CLDN1: variants seen among roughly 807,000 people sequenced by gnomAD.
CLDN1 encodes the protein claudin-1.
Under a neutral mutation model 22.6 loss-of-function variants are expected in CLDN1, and 12 were observed. The observed-to-expected ratio is 0.53, with a 90% confidence interval of 0.34 to 0.86. CLDN1 has a LOEUF of 0.86. CLDN1 is among the 40% of genes least tolerant of loss of function. The pLI is 0.02. For synonymous variants in CLDN1, 99 were observed against 103.8 expected, an observed-to-expected ratio of 0.95 and a Z score of 0.28; for missense variants, 250 against 269.5, an observed-to-expected ratio of 0.93 and a Z score of 0.51.
rs1368006107 is a variant in CLDN1 at position 190,307,939 on chromosome 3, A to G, written c.*338T>C. The stretch of plus-strand genomic sequence containing the variant: ...CTAGTATCAACATAATGAGAATAGT[A>G]TTTTACTGTCTATTTTTAATAGAAA... On this transcript the variant is annotated 3_prime_UTR_variant, in exon 4 of 4. Coordinates refer to ENST00000295522, the MANE Select transcript of CLDN1 (RefSeq NM_021101.5). 1 of 203,958 alleles carries G rather than the reference A, an allele frequency of 4.9e-6. No homozygotes were observed. Among genetic ancestry groups the G allele is most frequent in the Non-Finnish European group, 1.0e-5 (1 of 98,744 alleles). The allele number at this position is 203,958 out of a possible 1,614,324, so 12.6% of individuals were successfully genotyped here. A position where few individuals can be genotyped will look rare whatever the true frequency, so the allele number is the denominator to read the frequency against.
Position 190,308,040 on chromosome 3 carries a change from A to C in CLDN1, c.*237T>G. 2 of 460,102 alleles carry C rather than the reference A, an allele frequency of 4.3e-6. No homozygotes were observed. Among genetic ancestry groups the C allele is most frequent in the Admixed American group, 3.3e-5 (1 of 30,194 alleles). 28.5% of individuals were successfully genotyped at this position (460,102 alleles called of 1,614,324 possible). A position where few individuals can be genotyped will look rare whatever the true frequency, so the allele number is the denominator to read the frequency against. On this transcript the variant is annotated 3_prime_UTR_variant, in exon 4 of 4. Transcript: ENST00000295522. ...AGTTGAGTATGATTACTCAATGGGA[A>C]GCAGTAATACAAATGGAAAAATCTT...
chr3:190,314,476 C>T (rs1218151178), intron 1 of CLDN1, among the ~76,000 whole-genome samples: 1 of 152,062 alleles, frequency 6.6e-6, no homozygotes. Context: ...CTCACTGCAA[C>T]CTCTGCCTCT....
chr3:190,317,892 C>T (rs2108612770), intron 1 of CLDN1, among the ~76,000 whole-genome samples: 1 of 152,292 alleles, frequency 6.6e-6, no homozygotes, highest in South Asian at 2.1e-4. Flanking sequence ...CTGCAGATTC[C>T]AATTCTCCCT....
rs772164842 is a variant in CLDN1 at position 190,308,291 on chromosome 3, T to G, written c.622A>C (p.Lys208Gln). The change falls in exon 4 of 4, where the codon AAA (lysine) becomes CAA (glutamine). Residue 208 changes from lysine (K) to glutamine (Q), a missense_variant. By Grantham distance (53) the Lys-to-Gln change is moderately conservative. Transcript: ENST00000295522. ...PYPKPAPSSGKDYV is the reference protein window; with the variant it reads ...PYPKPAPSSGQDYV ...TTGCCTCTGTGTCACACGTAGTCTT[T>G]CCCGCTGGAAGGTGCAGGTTTTGGA... 6.8e-6 allele frequency: 11 copies of G among 1,613,736 alleles called. No homozygotes were observed. In the South Asian group the frequency reaches 1.1e-4, roughly 16 times the overall value.
intron 1 of CLDN1, among the ~76,000 whole-genome samples, chr3:190,316,950 T>C (rs187613264): frequency 4.5e-4 from 69 of 152,298 alleles, no homozygotes; most frequent in Admixed American, 1.3e-3. Context: ...TAATACAAAT[T>C]GTACTTTTTG....
chr3:190,313,549 A>G (rs1716682236), intron 1 of CLDN1, among the ~76,000 whole-genome samples: 2 of 152,226 alleles, frequency 1.3e-5, no homozygotes, highest in African/African-American at 2.4e-5. Context: ...TAAATGTTTT[A>G]TAGATTATCA....
rs775788100 is a variant in CLDN1, at chr3:190,308,383, A to G, written c.530T>C (p.Leu177Pro). 5 of 1,613,858 alleles carry G rather than the reference A, an allele frequency of 3.1e-6. No homozygotes were observed. The South Asian group carries it at 3.3e-5, about 11-fold the overall frequency. The change falls in exon 4 of 4, where the codon CTG becomes CCG. Residue 177 changes from leucine to proline, a missense_variant. By Grantham distance (98) the Leu-to-Pro change is moderately conservative. Coordinates refer to ENST00000295522, the MANE Select transcript of CLDN1 (RefSeq NM_021101.5). The stretch of plus-strand genomic sequence containing the variant: ...GGAACAGCAAAGTAGGGCACCTCCC[A>G]GAAGGCAGAGAGAAGCAGCAGCCCA... ...TGWAAASLCL[L>P]GGALLCCSCP...
At chr3:190,321,485 G>A (rs993725834) in intron 1 of CLDN1, among the ~76,000 whole-genome samples, 1 of 152,208 alleles carries the variant, frequency 6.6e-6, no homozygotes, top group African/African-American at 2.4e-5. Context: ...CAGTAGGAAT[G>A]TAACTTTTAC....
At position 190,322,325 on chromosome 3, in the gene CLDN1, G is replaced by GA; in HGVS notation, c.-120dup. On this transcript the variant is annotated 5_prime_UTR_variant, in exon 1 of 4. Coordinates refer to ENST00000295522, the MANE Select transcript of CLDN1 (RefSeq NM_021101.5). The stretch of plus-strand genomic sequence containing the variant: ...GCCCCGCGGAGGAAGTTAAGGCGGG[G>GA]AGCCCTGCTCGCTGCGCCGCCGCTG... 1 of 925,560 alleles carries GA rather than the reference G, an allele frequency of 1.1e-6. No homozygotes were observed. Among genetic ancestry groups the GA allele is most frequent in the Non-Finnish European group, 1.7e-6 (1 of 590,600 alleles). 57.3% of individuals were successfully genotyped at this position (925,560 alleles called of 1,614,324 possible).
chr3:190,310,552 A>G (rs1036614178), intron 2 of CLDN1, among the ~76,000 whole-genome samples: 39 of 152,210 alleles, frequency 2.6e-4, no homozygotes, highest in African/African-American at 9.2e-4. Flanking sequence ...ATCTCTTTTA[A>G]ATATGCTGTT....
intron 1 of CLDN1, among the ~76,000 whole-genome samples, chr3:190,320,040 TA>T (rs1427939721): frequency 6.6e-6 from 1 of 151,918 alleles, no homozygotes; most frequent in Non-Finnish European, 1.5e-5. Context: ...TCTGGAGTTT[TA>T]AAAAAATAGG....
At chr3:190,319,518 T>C (rs1248270486) in intron 1 of CLDN1, among the ~76,000 whole-genome samples, 1 of 152,216 alleles carries the variant, frequency 6.6e-6, no homozygotes, top group Non-Finnish European at 1.5e-5. Context: ...TTCCTTCAGA[T>C]ACTTTATGAA....
At chr3:190,318,949 TTATAAACAA>T (rs1716841819) in intron 1 of CLDN1, among the ~76,000 whole-genome samples, 1 of 152,142 alleles carries the variant, frequency 6.6e-6, no homozygotes, top group Admixed American at 6.5e-5. Context: ...CTAGAGGAGC[TTATAAACAA>T]ATTACAGAAT....
Position 190,307,317 on chromosome 3 carries a change from T to C in CLDN1, c.*960A>G, listed in dbSNP as rs991211876. 1.3e-5 allele frequency: 2 copies of C among 152,070 alleles called. No homozygotes were observed. Among genetic ancestry groups the C allele is most frequent in the African/African-American group, 4.8e-5 (2 of 41,416 alleles). 9.4% of individuals were successfully genotyped at this position (152,070 alleles called of 1,614,324 possible). ...TTGGGAAAACAATACAATTAAGGAA[T>C]GGGGAACAAAAAGGTAGTTTAGGGG... On this transcript the variant is annotated 3_prime_UTR_variant, in exon 4 of 4. Transcript: ENST00000295522.
chr3:190,322,227 C>T lies in CLDN1; in HGVS notation c.-21G>A. On this transcript the variant is annotated 5_prime_UTR_variant, in exon 1 of 4. Coordinates refer to ENST00000295522, the MANE Select transcript of CLDN1 (RefSeq NM_021101.5). ...GCCATGACTCGCTCGGGCGCCCGCG[C>T]TGGCTCAGGGGTGGCAGGTGCAGAA... 6.2e-7 allele frequency: 1 copy of T among 1,610,776 alleles called. No homozygotes were observed. The highest frequency in any genetic ancestry group is 1.1e-5 in the South Asian group (1 of 90,964).
chr3:190,308,292 C>T lies in CLDN1; in HGVS notation c.621G>A (p.Gly207=), dbSNP rs775914519. The T allele has an allele frequency of 6.2e-7, 1 of 1,613,780 alleles. No homozygotes were observed. The highest frequency in any genetic ancestry group is 1.7e-5 in the Admixed American group (1 of 60,000). The part of the protein sequence containing the change: ...RPYPKPAPSS[G]KDYV ...TGCCTCTGTGTCACACGTAGTCTTT[C>T]CCGCTGGAAGGTGCAGGTTTTGGAT... The change falls in exon 4 of 4, where the codon GGG becomes GGA. Residue 207 remains glycine (G), a synonymous_variant. Coordinates refer to ENST00000295522, the MANE Select transcript of CLDN1 (RefSeq NM_021101.5).
At chr3:190,308,874 T>C (rs1175431245) in intron 3 of CLDN1, among the ~76,000 whole-genome samples, 3 of 152,180 alleles carry the variant, frequency 2.0e-5, no homozygotes, top group East Asian at 1.9e-4. Flanking sequence ...AGATGATCCA[T>C]TGGTCCCAGG....
chr3:190,310,747 T>G (rs1051098449), intron 2 of CLDN1, among the ~76,000 whole-genome samples: 5 of 152,126 alleles, frequency 3.3e-5, no homozygotes, highest in Non-Finnish European at 5.9e-5. Flanking sequence ...TGTCTCAGAA[T>G]GGACCAGAAT....
At chr3:190,312,406 C>T (rs767877372) in intron 2 of CLDN1, among the ~76,000 whole-genome samples, 60 of 152,158 alleles carry the variant, frequency 3.9e-4, no homozygotes, top group Non-Finnish European at 7.2e-4. Flanking sequence ...TGTTTATTCT[C>T]GAATTAGATC....
Sources: gnomAD v4.1 joint callset for allele counts (sites outside exome capture counted in the v4.1 genomes callset) on GRCh38, gnomAD v4.1.1 for gene constraint, MANE v1.5 for transcripts, NCBI Gene and HGNC (gene_info 2026-07-23, HGNC 2026-07-21) for gene names.